Variants in AHI1 observed in about 807,000 individuals in gnomAD.
The protein encoded by AHI1 is Abelson helper integration site 1.
AHI1 carries 123 observed loss-of-function variants against 149.3 expected under a neutral mutation model. The ratio of observed to expected loss-of-function variants is 0.82; its 90% CI spans 0.71 to 0.96. AHI1 has a LOEUF of 0.96. AHI1 is among the 40% of genes least tolerant of loss of function. The pLI is 0.00. For missense variants in AHI1, 1,439 were observed against 1,422.7 expected (o/e 1.01, Z -0.18); for synonymous variants, 475 against 459.8 (o/e 1.03, Z -0.42).
rs1457243078 is a variant in AHI1 at position 135,322,532 on chromosome 6, CGAAGTA to C, written c.3328+624_3328+629del. Among the ~76,000 whole-genome samples, 3 of 151,966 alleles carry C rather than the reference CGAAGTA, an allele frequency of 2.0e-5. No homozygotes were observed. The East Asian group carries it at 5.8e-4, about 29-fold the overall frequency. On this transcript the variant is annotated intron_variant, in intron 25 of 28. Coordinates refer to ENST00000265602, the MANE Select transcript of AHI1 (RefSeq NM_001134831.2). ...ATGAACAAAAACCATTATTAAAACA[CGAAGTA>C]GAAATTAAAATACAAGAAAGGTTCA...
intron 23 of AHI1, among the ~76,000 whole-genome samples, chr6:135,387,554 G>A (rs1777789593): frequency 6.6e-6 from 1 of 152,178 alleles, no homozygotes; most frequent in Non-Finnish European, 1.5e-5. Flanking sequence ...GATTACTCAA[G>A]TTTAAGATGC....
intron 20 of AHI1, among the ~76,000 whole-genome samples, chr6:135,413,428 GAT>G (rs138478982): frequency 0.014 from 2,122 of 151,758 alleles, 53 homozygotes; most frequent in African/African-American, 0.049. Context: ...GTAGGGACTA[GAT>G]TTACTCTGCT....
intron 26 of AHI1, chr6:135,301,722 GAAC>G (rs1415833071): frequency 1.0e-6 from 1 of 985,296 alleles, no homozygotes; most frequent in Non-Finnish European, 1.2e-6. Flanking sequence ...CCATTTGGTA[GAAC>G]AACAAAAGAA....
chr6:135,299,519 C>T (rs1183536576), intron 27 of AHI1, among the ~76,000 whole-genome samples: 3 of 152,096 alleles, frequency 2.0e-5, no homozygotes, highest in Non-Finnish European at 4.4e-5. Context: ...CTGTTCAATG[C>T]TGTCACACTT....
chr6:135,426,615 T>C (rs1562740259), intron 20 of AHI1, among the ~76,000 whole-genome samples: 1 of 151,682 alleles, frequency 6.6e-6, no homozygotes, highest in Non-Finnish European at 1.5e-5. Flanking sequence ...AATTTCAGGA[T>C]AGAAATTAAA....
chr6:135,441,211 G>A (rs1360487549), intron 14 of AHI1, among the ~76,000 whole-genome samples: 1 of 151,578 alleles, frequency 6.6e-6, no homozygotes, highest in Non-Finnish European at 1.5e-5. Context: ...ATTCACTAGA[G>A]GGGCTCAAAA....
intron 21 of AHI1, among the ~76,000 whole-genome samples, chr6:135,405,690 T>C (rs541914647): frequency 6.6e-6 from 1 of 151,676 alleles, no homozygotes; most frequent in African/African-American, 2.4e-5. Context: ...TGAAACCCCA[T>C]CTCTACTAAA....
At chr6:135,399,995 C>T (rs191258876) in intron 22 of AHI1, among the ~76,000 whole-genome samples, 3 of 152,140 alleles carry the variant, frequency 2.0e-5, no homozygotes, top group East Asian at 1.9e-4. Flanking sequence ...TTACATCACA[C>T]GGGTATTAAG....
At chr6:135,319,990 T>A (rs939438425) in intron 25 of AHI1, among the ~76,000 whole-genome samples, 1 of 152,218 alleles carries the variant, frequency 6.6e-6, no homozygotes, top group African/African-American at 2.4e-5. Context: ...TCTGCTCTTA[T>A]ACTCCCTTAG....
At chr6:135,347,959 T>G (rs2746427) in intron 24 of AHI1, among the ~76,000 whole-genome samples, 2 of 151,830 alleles carry the variant, frequency 1.3e-5, no homozygotes, top group Admixed American at 6.6e-5. Context: ...ATAAGAAGGG[T>G]TTTTTCCCCC....
rs1434974004 is a variant in AHI1 at position 135,430,009 on chromosome 6, A to T, written c.2374-9T>A. On this transcript the variant is annotated splice_polypyrimidine_tract_variant and intron_variant, in intron 17 of 28. Transcript: ENST00000265602. Reference sequence around the variant, plus strand: ...TCAGTTTCTTTAATTTCCTAAAATGATTAAAAAAAATACTACTACTGAAAA... The same window carrying T: ...TCAGTTTCTTTAATTTCCTAAAATGTTTAAAAAAAATACTACTACTGAAAA... The T allele has an allele frequency of 4.2e-6, 6 of 1,426,470 alleles. No individual in the cohort carries two copies. Among genetic ancestry groups the T allele is most frequent in the Middle Eastern group, 1.9e-4 (1 of 5,308 alleles). 88.4% of individuals were successfully genotyped at this position (1,426,470 alleles called of 1,614,324 possible). A position where few individuals can be genotyped will look rare whatever the true frequency, so the allele number is the denominator to read the frequency against.
At position 135,353,484 on chromosome 6, in the gene AHI1, C is replaced by CTACATG. The variant is rs1180901155; in HGVS notation, c.3165+4647_3165+4648insCATGTA. On this transcript the variant is annotated intron_variant, in intron 24 of 28. Transcript: ENST00000265602. ...ATTTCACTTAAACTCATACATGTATCTACATACAAGCTGTCCCAAATATTA... is the reference window on the plus strand; with the variant it reads ...ATTTCACTTAAACTCATACATGTATCTACATGTACATACAAGCTGTCCCAAATATTA... Among the ~76,000 whole-genome samples, 8 of 152,182 alleles carry CTACATG rather than the reference C, an allele frequency of 5.3e-5. No homozygotes were observed. In the East Asian group the frequency reaches 1.3e-3, roughly 26 times the overall value.
chr6:135,467,509 CTG>C lies in AHI1; in HGVS notation c.189+70_189+71del, dbSNP rs1237268420. 2.5e-6 allele frequency: 3 copies of C among 1,184,698 alleles called. No individual in the cohort carries two copies. The African/African-American group carries it at 4.5e-5, about 18-fold the overall frequency. The allele number at this position is 1,184,698 out of a possible 1,614,324, so 73.4% of individuals were successfully genotyped here. On this transcript the variant is annotated intron_variant, in intron 6 of 28. Transcript: ENST00000265602. ...CAGAATGGACAAAAACCATTGCTGACTGTGTATTCCTCAATTTGTTTTTAGTG... is the reference window on the plus strand; with the variant it reads ...CAGAATGGACAAAAACCATTGCTGACTGTATTCCTCAATTTGTTTTTAGTG...
intron 25 of AHI1, among the ~76,000 whole-genome samples, chr6:135,320,070 A>T (rs1786571325): frequency 6.6e-6 from 1 of 152,212 alleles, no homozygotes; most frequent in Non-Finnish European, 1.5e-5. Flanking sequence ...TTTAGACTAG[A>T]ATATGCTACT....
At chr6:135,332,459 T>C (rs1365166571) in intron 24 of AHI1, among the ~76,000 whole-genome samples, 1 of 152,254 alleles carries the variant, frequency 6.6e-6, no homozygotes, top group Non-Finnish European at 1.5e-5. Context: ...CTGATGATTC[T>C]ACCTGATGCC....
intron 24 of AHI1, among the ~76,000 whole-genome samples, chr6:135,325,804 A>G (rs923814959): frequency 6.6e-6 from 1 of 152,194 alleles, no homozygotes; most frequent in Non-Finnish European, 1.5e-5. Context: ...AGATTAATGT[A>G]TGCTTATTTG....
At chr6:135,479,728 G>A (rs1793298614) in intron 5 of AHI1, among the ~76,000 whole-genome samples, 1 of 152,182 alleles carries the variant, frequency 6.6e-6, no homozygotes, top group African/African-American at 2.4e-5. Context: ...CGAAATGTGA[G>A]AAGGACATGA....
At chr6:135,459,741 A>G (rs1583337089) in intron 8 of AHI1, among the ~76,000 whole-genome samples, 1 of 10,912 alleles carries the variant, frequency 9.2e-5, no homozygotes, top group Non-Finnish European at 4.2e-3. Flanking sequence ...TGACAGAAGT[A>G]AAAAAAAAAA....
intron 20 of AHI1, among the ~76,000 whole-genome samples, chr6:135,416,456 C>T (rs1402308600): frequency 6.6e-6 from 1 of 151,494 alleles, no homozygotes; most frequent in African/African-American, 2.4e-5. Flanking sequence ...TACTGAAGCA[C>T]TATCTAAATG....
Sources: gnomAD v4.1 joint callset for allele counts (sites outside exome capture counted in the v4.1 genomes callset) on GRCh38, gnomAD v4.1.1 for gene constraint, MANE v1.5 for transcripts, NCBI Gene and HGNC (gene_info 2026-07-23, HGNC 2026-07-21) for gene names.